The following RBFOX1 variants were observed in gnomAD, a reference collection of about 807,000 sequenced individuals.
RBFOX1 encodes RNA binding fox-1 homolog 1.
Under a neutral mutation model 57.7 loss-of-function variants are expected in RBFOX1, and 8 were observed. The ratio of observed to expected loss-of-function variants is 0.14; its 90% confidence interval spans 0.08 to 0.25. The LOEUF (loss-of-function observed/expected upper bound fraction) is 0.25. Ranked by LOEUF, RBFOX1 falls within the 10% of genes least tolerant of loss-of-function variation. The probability of loss-of-function intolerance (pLI) is 1.00; values close to 1 mark genes in which losing one functional copy is unlikely to be tolerated. For synonymous variants in RBFOX1, 326 were observed against 222.4 expected, an observed-to-expected ratio of 1.47 and a Z score of -4.15; for missense variants, 611 against 548.5, an observed-to-expected ratio of 1.11 and a Z score of -1.14.
chr16:6,876,050 A>C (rs187454086), intron 3 of RBFOX1, among the ~76,000 whole-genome samples: 4 of 151,792 alleles, frequency 2.6e-5, no homozygotes, highest in Non-Finnish European at 5.9e-5. Flanking sequence ...ACACACGTCT[A>C]TAGTCCTAGC....
chr16:6,297,354 C>T (rs546355663), intron 1 of RBFOX1, among the ~76,000 whole-genome samples: 4 of 152,168 alleles, frequency 2.6e-5, no homozygotes, highest in African/African-American at 9.6e-5. Flanking sequence ...GTTCACACGC[C>T]TCTGACACAT....
intron 3 of RBFOX1, among the ~76,000 whole-genome samples, chr16:6,881,309 A>G (rs1294204642): frequency 2.0e-5 from 3 of 152,186 alleles, no homozygotes; most frequent in Non-Finnish European, 2.9e-5. Context: ...TGACAATATT[A>G]GTTTGCTTGG....
chr16:5,875,631 T>C (rs901289522), intron 4 of RBFOX1, among the ~76,000 whole-genome samples: 3 of 152,148 alleles, frequency 2.0e-5, no homozygotes, highest in Non-Finnish European at 4.4e-5. Flanking sequence ...TAAGCTACAA[T>C]AGGAAATAGC....
intron 4 of RBFOX1, among the ~76,000 whole-genome samples, chr16:6,001,101 A>C (rs76469962): frequency 1.3e-5 from 2 of 152,148 alleles, no homozygotes; most frequent in Admixed American, 1.3e-4. Flanking sequence ...ATTAATTAAA[A>C]TATCTTAGCC....
intron 4 of RBFOX1, among the ~76,000 whole-genome samples, chr16:7,252,313 C>G (rs59006390): frequency 0.01 from 1,537 of 152,264 alleles, 20 homozygotes; most frequent in African/African-American, 0.035. Flanking sequence ...GGAAATATAA[C>G]TTATAAGGAA....
intron 3 of RBFOX1, among the ~76,000 whole-genome samples, chr16:6,985,952 T>C (rs374471176): frequency 5.9e-5 from 9 of 151,400 alleles, no homozygotes; most frequent in African/African-American, 2.2e-4. Context: ...TGGAGTGATA[T>C]AGAATAAGGC....
At chr16:7,445,278 A>T (rs1464377429) in intron 4 of RBFOX1, among the ~76,000 whole-genome samples, 1 of 152,194 alleles carries the variant, frequency 6.6e-6, no homozygotes, top group East Asian at 1.9e-4. Context: ...TAGTGATACT[A>T]TGTGTTTAAT....
chr16:5,791,131 G>C (rs2054680071), intron 3 of RBFOX1, among the ~76,000 whole-genome samples: 1 of 152,232 alleles, frequency 6.6e-6, no homozygotes, highest in South Asian at 2.1e-4. Context: ...GTCTCCTAAA[G>C]TGCTGGGATT....
At chr16:7,401,622 A>G (rs1396877541) in intron 4 of RBFOX1, among the ~76,000 whole-genome samples, 1 of 152,224 alleles carries the variant, frequency 6.6e-6, no homozygotes, top group Non-Finnish European at 1.5e-5. Context: ...AGGTAAATGC[A>G]TTGATTAGCT....
chr16:6,729,278 G>C (rs1200245301), intron 3 of RBFOX1, among the ~76,000 whole-genome samples: 1 of 152,152 alleles, frequency 6.6e-6, no homozygotes, highest in African/African-American at 2.4e-5. Flanking sequence ...ATTGGGACCT[G>C]ACGATCAAGA....
intron 2 of RBFOX1, among the ~76,000 whole-genome samples, chr16:6,622,970 T>A (rs1196842410): frequency 6.6e-6 from 1 of 152,222 alleles, no homozygotes; most frequent in African/African-American, 2.4e-5. Context: ...CTCTTTGACA[T>A]CCTTGGGCAA....
chr16:6,770,568 C>T (rs891079768), intron 3 of RBFOX1, among the ~76,000 whole-genome samples: 3 of 151,660 alleles, frequency 2.0e-5, no homozygotes, highest in African/African-American at 7.3e-5. Context: ...CCTAGGGAAT[C>T]TCACAATTTC....
intron 3 of RBFOX1, among the ~76,000 whole-genome samples, chr16:6,810,609 C>T (rs887942599): frequency 6.6e-6 from 1 of 151,962 alleles, no homozygotes; most frequent in Non-Finnish European, 1.5e-5. Flanking sequence ...CTATAAAGAA[C>T]TTCCTGGAGA....
chr16:5,875,940 T>G (rs1420020607), intron 4 of RBFOX1, among the ~76,000 whole-genome samples: 3 of 151,752 alleles, frequency 2.0e-5, no homozygotes, highest in Non-Finnish European at 4.4e-5. Flanking sequence ...GCCTCCCAGC[T>G]TCATGTCATT....
chr16:6,763,082 A>T (rs989949176), intron 3 of RBFOX1, among the ~76,000 whole-genome samples: 1 of 152,204 alleles, frequency 6.6e-6, no homozygotes, highest in Non-Finnish European at 1.5e-5. Context: ...GGACTGTATT[A>T]CGAGAACTTA....
chr16:7,574,679 G>A (rs1444199585), intron 5 of RBFOX1, among the ~76,000 whole-genome samples: 2 of 152,128 alleles, frequency 1.3e-5, no homozygotes, highest in Admixed American at 6.5e-5. Flanking sequence ...CAGATTGAGG[G>A]TGGGTTGGCC....
At chr16:5,468,458 T>C (rs1191436953) in intron 2 of RBFOX1, among the ~76,000 whole-genome samples, 2 of 152,206 alleles carry the variant, frequency 1.3e-5, no homozygotes, top group African/African-American at 4.8e-5. Context: ...AGTGGCCTTT[T>C]GTGTCTGGCT....
chr16:6,447,392 T>A (rs773186801), intron 2 of RBFOX1, among the ~76,000 whole-genome samples: 12 of 152,214 alleles, frequency 7.9e-5, no homozygotes, highest in East Asian at 3.8e-4. Flanking sequence ...CTAATTGGAC[T>A]ATACAGAAAT....
intron 2 of RBFOX1, among the ~76,000 whole-genome samples, chr16:6,514,918 G>C (rs1470337820): frequency 1.3e-5 from 2 of 151,948 alleles, no homozygotes; most frequent in African/African-American, 2.4e-5. Flanking sequence ...GAGAGAAAAG[G>C]GGAGAATGAG....
Sources: gnomAD v4.1 joint callset for allele counts (sites outside exome capture counted in the v4.1 genomes callset) on GRCh38, gnomAD v4.1.1 for gene constraint, MANE v1.5 for transcripts, NCBI Gene and HGNC (gene_info 2026-07-23, HGNC 2026-07-21) for gene names.